PACS1: variants seen among roughly 807,000 people sequenced by gnomAD.
The protein encoded by PACS1 is PACS-1.
Under a neutral mutation model 115.0 loss-of-function variants are expected in PACS1, and 24 were observed. The observed-to-expected ratio is 0.21, with a 90% CI of 0.15 to 0.29. The LOEUF (loss-of-function observed/expected upper bound fraction) is 0.29, where lower values mean the gene tolerates loss of function less well. PACS1 is among the 10% of genes least tolerant of loss of function. The pLI is 1.00. For missense variants in PACS1, 838 were observed against 1,251.2 expected, an observed-to-expected ratio of 0.67 and a Z score of 4.98; for synonymous variants, 453 against 504.5, an observed-to-expected ratio of 0.90 and a Z score of 1.37.
chr11:66,073,426 T>A (rs981345493), intron 1 of PACS1, among the ~76,000 whole-genome samples: 1 of 152,072 alleles, frequency 6.6e-6, no homozygotes, highest in Non-Finnish European at 1.5e-5. Flanking sequence ...GGATCTAAGG[T>A]TAGGTGTGCA....
At chr11:66,120,399 A>T (rs1057453041) in intron 1 of PACS1, among the ~76,000 whole-genome samples, 2 of 152,170 alleles carry the variant, frequency 1.3e-5, no homozygotes, top group African/African-American at 4.8e-5. Context: ...ACCCAGCCTG[A>T]ATACTAATTA....
chr11:66,094,335 T>C (rs1375144009), intron 1 of PACS1, among the ~76,000 whole-genome samples: 17 of 150,432 alleles, frequency 1.1e-4, no homozygotes, highest in African/African-American at 3.9e-4. Context: ...AAGAATCAAA[T>C]AGACGCAATA....
chr11:66,134,042 A>T (rs1858768352), intron 1 of PACS1, among the ~76,000 whole-genome samples: 1 of 151,966 alleles, frequency 6.6e-6, no homozygotes, highest in Admixed American at 6.6e-5. Context: ...CTCTAACATA[A>T]GCATGAAATG....
intron 1 of PACS1, among the ~76,000 whole-genome samples, chr11:66,136,344 CACA>C (rs1229567541): frequency 2.6e-5 from 4 of 151,732 alleles, no homozygotes; most frequent in Non-Finnish European, 5.9e-5. Context: ...CACACACACA[CACA>C]CACACACCAA....
At chr11:66,073,103 C>T (rs1857339508) in intron 1 of PACS1, among the ~76,000 whole-genome samples, 2 of 152,240 alleles carry the variant, frequency 1.3e-5, no homozygotes, top group Non-Finnish European at 2.9e-5. Flanking sequence ...AGCTTGTCCA[C>T]TGTCCTGCTC....
At chr11:66,160,964 G>C (rs1005828748) in intron 1 of PACS1, among the ~76,000 whole-genome samples, 1 of 152,082 alleles carries the variant, frequency 6.6e-6, no homozygotes, top group African/African-American at 2.4e-5. Flanking sequence ...TTCATATTCA[G>C]GTCCCGCTGT....
chr11:66,220,507 G>A (rs1453389385), intron 8 of PACS1, 124 bp from the exon 9 acceptor site: 3 of 888,244 alleles, frequency 3.4e-6, no homozygotes, highest in African/African-American at 3.3e-5. Flanking sequence ...ACTCCAGCCA[G>A]TGTGAAGCTC....
chr11:66,195,671 GT>G lies in PACS1; in HGVS notation c.444+2099del, dbSNP rs148581168. Among the ~76,000 whole-genome samples, 1,317 of 152,264 alleles carry G rather than the reference GT, an allele frequency of 8.6e-3. 18 individuals carry two copies. Among genetic ancestry groups the G allele is most frequent in the African/African-American group, 0.03 (1,239 of 41,546 alleles). On this transcript the variant is annotated intron_variant, in intron 2 of 23. Coordinates refer to ENST00000320580, the MANE Select transcript of PACS1 (RefSeq NM_018026.4). ...TTGTTCTACTTCCAAGCAGCTGAAA[GT>G]AATTACAGATGTCACCACATTCATT... is the stretch of plus-strand genomic sequence containing the variant.
At position 66,239,135 on chromosome 11, in the gene PACS1, C is replaced by T; in HGVS notation, c.2294-7C>T. 1.2e-6 allele frequency: 2 copies of T among 1,613,950 alleles called. No homozygotes were observed. The highest frequency in any genetic ancestry group is 1.1e-5 in the South Asian group (1 of 91,084). ...GCCAACTGTGTTTGTCGTTTGTCCC[C>T]TGACAGGCGATGGGGACGATTCTCC... On this transcript the variant is annotated splice_region_variant and splice_polypyrimidine_tract_variant and intron_variant, in intron 20 of 23. Transcript: ENST00000320580.
At chr11:66,098,881 C>CT (rs1434021051) in intron 1 of PACS1, among the ~76,000 whole-genome samples, 1 of 152,180 alleles carries the variant, frequency 6.6e-6, no homozygotes. Flanking sequence ...AAAAATGATG[C>CT]TGTAATAGTC....
intron 1 of PACS1, among the ~76,000 whole-genome samples, chr11:66,135,087 C>G (rs1858812409): frequency 6.6e-6 from 1 of 151,788 alleles, no homozygotes; most frequent in African/African-American, 2.4e-5. Context: ...GCTACTCCAG[C>G]TACTTGGGAG....
chr11:66,239,090 G>C, intron 20 of PACS1, 52 bp from the exon 21 acceptor site: 1 of 1,613,390 alleles, frequency 6.2e-7, no homozygotes, highest in African/African-American at 1.3e-5. Context: ...CCACCACCAA[G>C]TCAGAGATAG....
chr11:66,220,362 G>T, intron 8 of PACS1: 1 of 455,804 alleles, frequency 2.2e-6, no homozygotes, highest in South Asian at 2.9e-5. Flanking sequence ...ACCCACATGG[G>T]CGATGGGCCT....
rs749515977 is a variant in PACS1, at chr11:66,070,587, CGCAGCAGCAGCA to C, written c.110_121del (p.Gln37_Gln40del). 3 of 1,493,950 alleles carry C rather than the reference CGCAGCAGCAGCA, an allele frequency of 2.0e-6. No individual in the cohort carries two copies. The South Asian group carries it at 3.7e-5, about 19-fold the overall frequency. The allele number at this position is 1,493,950 out of a possible 1,614,324, so 92.5% of individuals were successfully genotyped here. A position where few individuals can be genotyped will look rare whatever the true frequency, so the allele number is the denominator to read the frequency against. On this transcript the variant is annotated inframe_deletion, in exon 1 of 24. Transcript: ENST00000320580. The surrounding 1 kb of genome is among the most constrained non-coding windows in gnomAD (Gnocchi z 5.9). ...GCCCAGTCCCCTCAGCAGCCGCCGC[CGCAGCAGCAGCA>C]GCAGCAGCCGCCGCAGCAGCCGACG...
chr11:66,201,843 G>A (rs2134686149), intron 2 of PACS1, among the ~76,000 whole-genome samples: 1 of 152,122 alleles, frequency 6.6e-6, no homozygotes, highest in East Asian at 1.9e-4. Context: ...ATTTTTAGTA[G>A]AGACGAGGTT....
At chr11:66,081,182 G>A (rs1183028445) in intron 1 of PACS1, among the ~76,000 whole-genome samples, 1 of 152,066 alleles carries the variant, frequency 6.6e-6, no homozygotes, top group Non-Finnish European at 1.5e-5. Context: ...TCAGTGAGCT[G>A]TGTTCGCACT....
intron 2 of PACS1, among the ~76,000 whole-genome samples, chr11:66,199,314 CAAA>C (rs35445093): frequency 2.2e-5 from 2 of 92,122 alleles, no homozygotes; most frequent in Admixed American, 1.2e-4. Flanking sequence ...GACTCCATCT[CAAA>C]AAAAAAAAAA....
rs61577143 is a variant in PACS1 at position 66,136,323 on chromosome 11, TCACACACACACACA to T, written c.357-57145_357-57132del. 1.4e-5 allele frequency among the ~76,000 whole-genome samples: 2 copies of T among 145,820 alleles called. 1 individual carries two copies. Among genetic ancestry groups the T allele is most frequent in the Non-Finnish European group, 3.0e-5 (2 of 66,566 alleles). On this transcript the variant is annotated intron_variant, in intron 1 of 23. Transcript: ENST00000320580. ...GAAACAGGACTGCCCAATCCCACTG[TCACACACACACACA>T]CACACACACACACACACCAAAAACC...
In PACS1 at chr11:66,235,340, A is replaced by G. The variant is rs114931059; in HGVS notation, c.2144A>G (p.Asn715Ser). The G allele has an allele frequency of 1.1e-5, 17 of 1,614,082 alleles. No individual in the cohort carries two copies. The African/African-American group carries it at 1.7e-4, about 16-fold the overall frequency. Residue 715 changes from asparagine (N) to serine (S), a missense_variant, in exon 18 of 24, where the codon AAC becomes AGC. Asn to Ser is a conservative substitution (Grantham distance 46). Transcript: ENST00000320580. The surrounding 1 kb of genome is among the most constrained non-coding windows in gnomAD (Gnocchi z 5.6). ...GCAGGGCGGGTGATGCAGTACGTCA[A>G]CGGGGCAGCCACGACACACCAGCTT... ...DVAGRVMQYV[N>S]GAATTHQLPV...
Sources: gnomAD v4.1 joint callset for allele counts (sites outside exome capture counted in the v4.1 genomes callset) on GRCh38, gnomAD v4.1.1 for gene constraint, Gnocchi (gnomAD v3.1) non-coding constraint, MANE v1.5 for transcripts, NCBI Gene and HGNC (gene_info 2026-07-23, HGNC 2026-07-21) for gene names.